The following GAREM1 variants were observed in gnomAD, a reference collection of about 807,000 sequenced individuals.
The protein encoded by GAREM1 is GRB2 associated regulator of MAPK1 subtype 1.
Under a neutral mutation model 71.3 loss-of-function variants are expected in GAREM1, and 26 were observed. The ratio of observed to expected loss-of-function variants is 0.36; its 90% CI spans 0.27 to 0.51. The LOEUF (loss-of-function observed/expected upper bound fraction) is 0.51, where lower values mean the gene tolerates loss of function less well. GAREM1 is among the 20% of genes least tolerant of loss of function. GAREM1 has a pLI of 0.95. For missense variants in GAREM1, 1,026 were observed against 1,103.1 expected (o/e 0.93, Z 0.99); for synonymous variants, 440 against 433.2 (o/e 1.02, Z -0.20).
At chr18:32,387,277 C>T (rs79746396) in intron 2 of GAREM1, among the ~76,000 whole-genome samples, 5,300 of 152,160 alleles carry the variant, frequency 0.035, 143 homozygotes, top group East Asian at 0.11. Context: ...TTAATATTTG[C>T]TTTTGTTTAA....
intron 1 of GAREM1, among the ~76,000 whole-genome samples, chr18:32,468,960 T>TTCCCCCC (rs2049023776): frequency 1.2e-5 from 1 of 82,162 alleles, no homozygotes; most frequent in African/African-American, 4.9e-5. Flanking sequence ...CACCTGTGCG[T>TTCCCCCC]CCCCCCCCCC....
chr18:32,302,135 T>C (rs1192614577), intron 3 of GAREM1, among the ~76,000 whole-genome samples: 1 of 151,874 alleles, frequency 6.6e-6, no homozygotes, highest in African/African-American at 2.4e-5. Context: ...ATAAATAGAG[T>C]GTGATGGAGC....
intron 2 of GAREM1, among the ~76,000 whole-genome samples, chr18:32,356,359 C>T (rs2047804602): frequency 1.3e-5 from 2 of 152,166 alleles, no homozygotes. Flanking sequence ...AAATTATTCA[C>T]ATTTTACTGC....
chr18:32,394,483 TAAA>T (rs967836064), intron 1 of GAREM1, among the ~76,000 whole-genome samples: 36 of 152,146 alleles, frequency 2.4e-4, no homozygotes, highest in African/African-American at 8.2e-4. Flanking sequence ...TACAAAGAGT[TAAA>T]AAACTTTATA....
At chr18:32,393,517 G>A (rs1035058340) in intron 1 of GAREM1, among the ~76,000 whole-genome samples, 1 of 152,098 alleles carries the variant, frequency 6.6e-6, no homozygotes, top group African/African-American at 2.4e-5. Context: ...AGGATTCAAA[G>A]CTAGGTCAGA....
intron 2 of GAREM1, among the ~76,000 whole-genome samples, chr18:32,324,481 A>G (rs1325013915): frequency 6.6e-6 from 1 of 152,174 alleles, no homozygotes; most frequent in African/African-American, 2.4e-5. Flanking sequence ...TGCCTTGATT[A>G]TGAGAGATTT....
chr18:32,280,443 T>C (rs1031701660), intron 4 of GAREM1, among the ~76,000 whole-genome samples: 4 of 152,124 alleles, frequency 2.6e-5, no homozygotes, highest in African/African-American at 4.8e-5. Flanking sequence ...ACCTTTGATA[T>C]TTCTGTGTTG....
intron 3 of GAREM1, among the ~76,000 whole-genome samples, chr18:32,289,037 G>C (rs2047053950): frequency 6.6e-6 from 1 of 152,152 alleles, no homozygotes; most frequent in Non-Finnish European, 1.5e-5. Context: ...TAAAGTACTA[G>C]AAAAACTGCA....
chr18:32,400,474 C>T (rs1346981359), intron 1 of GAREM1, among the ~76,000 whole-genome samples: 1 of 152,070 alleles, frequency 6.6e-6, no homozygotes, highest in Non-Finnish European at 1.5e-5. Context: ...AACAAATTTA[C>T]AAGAAAAAAA....
At position 32,287,023 on chromosome 18, in the gene GAREM1, T is replaced by C. The variant is rs1350716832; in HGVS notation, c.1566+8A>G. The C allele has an allele frequency of 6.3e-7, 1 of 1,598,336 alleles. No individual in the cohort carries two copies. Among genetic ancestry groups the C allele is most frequent in the Non-Finnish European group, 8.6e-7 (1 of 1,168,212 alleles). ...CTGGCACCGCATTCAAAAACAGAAA[T>C]GACTTACGGCTTCAGATTTGGGAGG... is the stretch of plus-strand genomic sequence containing the variant. On this transcript the variant is annotated splice_region_variant and intron_variant, in intron 4 of 5. Transcript: ENST00000269209. This position sits in a 1 kb window ranked among gnomAD's most constrained non-coding sequence, Gnocchi z 5.9.
At chr18:32,311,727 G>A (rs918755455) in intron 2 of GAREM1, among the ~76,000 whole-genome samples, 2 of 152,242 alleles carry the variant, frequency 1.3e-5, no homozygotes, top group African/African-American at 2.4e-5. Context: ...TGGCTGGAGT[G>A]GGATAAGGGA....
chr18:32,406,288 C>T (rs1421339039), intron 1 of GAREM1, among the ~76,000 whole-genome samples: 1 of 152,138 alleles, frequency 6.6e-6, no homozygotes, highest in Non-Finnish European at 1.5e-5. Flanking sequence ...CCTCAACCTC[C>T]CAAAGTGCTT....
intron 2 of GAREM1, among the ~76,000 whole-genome samples, chr18:32,336,124 G>A (rs899310150): frequency 9.2e-5 from 14 of 152,028 alleles, no homozygotes; most frequent in Non-Finnish European, 1.8e-4. Flanking sequence ...AAGGCCTGCC[G>A]GGATGTTATA....
chr18:32,402,131 A>C (rs1197559704), intron 1 of GAREM1, among the ~76,000 whole-genome samples: 1 of 152,224 alleles, frequency 6.6e-6, no homozygotes, highest in Non-Finnish European at 1.5e-5. Flanking sequence ...ATTTTGTGAC[A>C]TAATTATTCT....
chr18:32,380,070 A>G (rs1365402423), intron 2 of GAREM1, among the ~76,000 whole-genome samples: 1 of 152,216 alleles, frequency 6.6e-6, no homozygotes, highest in East Asian at 1.9e-4. Context: ...TTTTTCCGCC[A>G]TGACACGCAT....
intron 1 of GAREM1, among the ~76,000 whole-genome samples, chr18:32,463,422 A>G (rs1489473259): frequency 1.3e-5 from 2 of 152,114 alleles, no homozygotes; most frequent in Non-Finnish European, 2.9e-5. Flanking sequence ...GTCTAGGTTT[A>G]TCACTGTCCA....
intron 2 of GAREM1, among the ~76,000 whole-genome samples, chr18:32,336,613 T>C (rs2144566897): frequency 6.6e-6 from 1 of 152,288 alleles, no homozygotes; most frequent in Admixed American, 6.5e-5. Flanking sequence ...TTTATACAAT[T>C]ATTGAAGTCT....
chr18:32,369,942 G>T (rs894933523), intron 2 of GAREM1, among the ~76,000 whole-genome samples: 1 of 152,144 alleles, frequency 6.6e-6, no homozygotes, highest in African/African-American at 2.4e-5. Flanking sequence ...TGAGGTTTGG[G>T]GGATGAACAA....
chr18:32,381,041 CAAGT>C (rs570637192), intron 2 of GAREM1, among the ~76,000 whole-genome samples: 189 of 151,714 alleles, frequency 1.2e-3, no homozygotes, highest in African/African-American at 4.4e-3. Flanking sequence ...ATGCAGAAAA[CAAGT>C]AATTGCCAAA....
Sources: gnomAD v4.1 joint callset for allele counts (sites outside exome capture counted in the v4.1 genomes callset) on GRCh38, gnomAD v4.1.1 for gene constraint, Gnocchi (gnomAD v3.1) non-coding constraint, MANE v1.5 for transcripts, NCBI Gene and HGNC (gene_info 2026-07-23, HGNC 2026-07-21) for gene names.